The following MAP4K4 variants were observed in gnomAD, a reference collection of about 807,000 sequenced individuals.
MAP4K4 encodes the protein HPK/GCK-like kinase HGK.
A neutral mutation model predicts 189.6 loss-of-function variants in MAP4K4; 38 were observed. That is an observed-to-expected ratio of 0.20 (90% CI 0.15 to 0.26). The LOEUF is 0.26. MAP4K4 is among the 10% of genes least tolerant of loss of function. The probability of loss-of-function intolerance (pLI) is 1.00; values close to 1 mark genes in which losing one functional copy is unlikely to be tolerated. For synonymous variants in MAP4K4, 610 were observed against 624.3 expected (o/e 0.98, Z 0.34); for missense variants, 1,054 against 1,726.9 (o/e 0.61, Z 6.91).
intron 32 of MAP4K4, among the ~76,000 whole-genome samples, chr2:101,890,235 G>T (rs2098545829): frequency 1.3e-5 from 2 of 152,284 alleles, no homozygotes; most frequent in East Asian, 1.9e-4. Context: ...GATGCTCATT[G>T]TGTTTTTTAA....
At chr2:101,726,965 A>G (rs1479736115) in intron 2 of MAP4K4, among the ~76,000 whole-genome samples, 2 of 152,092 alleles carry the variant, frequency 1.3e-5, no homozygotes, top group Non-Finnish European at 2.9e-5. Flanking sequence ...GCAGGGTATC[A>G]CCTGGCGAGG....
At chr2:101,880,799 G>A (rs370580069) in intron 27 of MAP4K4, among the ~76,000 whole-genome samples, 118 of 152,146 alleles carry the variant, frequency 7.8e-4, no homozygotes, top group South Asian at 1.5e-3. Flanking sequence ...GAGCCACCGC[G>A]CCTGGTGTAT....
chr2:101,829,772 C>G, intron 6 of MAP4K4, 178 bp downstream of exon 6: 1 of 541,940 alleles, frequency 1.8e-6, no homozygotes, highest in South Asian at 2.1e-5. Context: ...TCCCCACTTC[C>G]ATGTTTGTGC....
At chr2:101,867,666 ATC>A (rs2097855401) in intron 20 of MAP4K4, 1 of 359,454 alleles carries the variant, frequency 2.8e-6, no homozygotes, top group Non-Finnish European at 5.0e-6. Context: ...AAGCCTTTTT[ATC>A]TCTTTCTTGG....
intron 3 of MAP4K4, among the ~76,000 whole-genome samples, chr2:101,801,227 G>T (rs1202472963): frequency 6.6e-6 from 1 of 152,104 alleles, no homozygotes; most frequent in Non-Finnish European, 1.5e-5. Flanking sequence ...AGAATGTTGT[G>T]TTGGAGGTCC....
At chr2:101,818,867 C>G (rs2149267729) in intron 3 of MAP4K4, among the ~76,000 whole-genome samples, 1 of 152,314 alleles carries the variant, frequency 6.6e-6, no homozygotes, top group South Asian at 2.1e-4. Context: ...TGCATTAAAT[C>G]ACTAAGTGGG....
rs547448048 is a variant in MAP4K4 at position 101,787,768 on chromosome 2, T to C, written c.124-2952T>C. ...CACAAAGGTGACCCATCTCAGCAGG[T>C]AGATGATTACTATTAGTTTCAAATT... is the stretch of plus-strand genomic sequence containing the variant. On this transcript the variant is annotated intron_variant, in intron 2 of 32. Transcript: ENST00000324219. Among the ~76,000 whole-genome samples the C allele has an allele frequency of 6.6e-5, 10 of 151,886 alleles. No homozygotes were observed. In the East Asian group the frequency reaches 1.7e-3, roughly 27 times the overall value.
chr2:101,741,859 A>T (rs753872151), intron 2 of MAP4K4, among the ~76,000 whole-genome samples: 1 of 152,216 alleles, frequency 6.6e-6, no homozygotes, highest in Non-Finnish European at 1.5e-5. Flanking sequence ...AAAAAATTGA[A>T]AAATTGGTTA....
At chr2:101,700,555 A>G (rs2037841355) in intron 2 of MAP4K4, among the ~76,000 whole-genome samples, 1 of 152,234 alleles carries the variant, frequency 6.6e-6, no homozygotes, top group Non-Finnish European at 1.5e-5. Context: ...GAAAATTTCA[A>G]ACATAAAGAC....
intron 2 of MAP4K4, among the ~76,000 whole-genome samples, chr2:101,735,332 A>G (rs965786097): frequency 2.6e-5 from 4 of 152,146 alleles, no homozygotes; most frequent in African/African-American, 4.8e-5. Context: ...TGCTAGCCCT[A>G]TTTATCTTCA....
chr2:101,764,478 T>C (rs186253826), intron 2 of MAP4K4, among the ~76,000 whole-genome samples: 6 of 152,370 alleles, frequency 3.9e-5, no homozygotes, highest in Admixed American at 3.9e-4. Context: ...GGTTGATTTA[T>C]GATGATCCAG....
chr2:101,863,384 A>G (rs1272958966), intron 16 of MAP4K4, among the ~76,000 whole-genome samples: 1 of 152,122 alleles, frequency 6.6e-6, no homozygotes, highest in African/African-American at 2.4e-5. Flanking sequence ...ACTGCAGGTA[A>G]TGTGAGGATG....
chr2:101,703,611 C>G (rs1485471296), intron 2 of MAP4K4, among the ~76,000 whole-genome samples: 1 of 93,478 alleles, frequency 1.1e-5, no homozygotes, highest in African/African-American at 4.8e-5. Flanking sequence ...GAATGAGACT[C>G]TGTCTCAAAA....
chr2:101,719,191 T>C (rs536097839), intron 2 of MAP4K4, among the ~76,000 whole-genome samples: 1 of 152,310 alleles, frequency 6.6e-6, no homozygotes, highest in South Asian at 2.1e-4. Flanking sequence ...TTTATGCTCT[T>C]CATCTGTCTG....
chr2:101,887,752 C>A, intron 30 of MAP4K4, 26 bp from the exon 31 acceptor site: 1 of 1,585,876 alleles, frequency 6.3e-7, no homozygotes, highest in South Asian at 1.2e-5. Flanking sequence ...AGACGTTCTT[C>A]CCTGTACTTT....
chr2:101,790,854 C>A, intron 3 of MAP4K4, 78 bp downstream of exon 3: 2 of 1,235,424 alleles, frequency 1.6e-6, no homozygotes, highest in Non-Finnish European at 2.3e-6. Flanking sequence ...GAGTATTACT[C>A]TGTTTGGAAA....
chr2:101,742,631 C>A (rs2063371978), intron 2 of MAP4K4, among the ~76,000 whole-genome samples: 1 of 152,136 alleles, frequency 6.6e-6, no homozygotes, highest in African/African-American at 2.4e-5. Flanking sequence ...GCCCCACTTT[C>A]TTTTTATGGA....
chr2:101,864,821 G>A (rs2097769017), intron 17 of MAP4K4, 109 bp from the exon 18 acceptor site: 2 of 704,848 alleles, frequency 2.8e-6, no homozygotes, highest in Non-Finnish European at 4.9e-6. Flanking sequence ...GTGATAGGAA[G>A]GACTGCTTTT....
chr2:101,703,444 C>T (rs1321219894), intron 2 of MAP4K4, among the ~76,000 whole-genome samples: 2 of 151,604 alleles, frequency 1.3e-5, no homozygotes, highest in Admixed American at 6.6e-5. Flanking sequence ...ATGGCAAAAC[C>T]CCATCTCTAC....
Sources: allele counts gnomAD v4.1 joint callset (sites outside exome capture counted in the v4.1 genomes callset), GRCh38; gene constraint gnomAD v4.1.1; transcripts MANE v1.5; gene names NCBI Gene and HGNC (gene_info 2026-07-23, HGNC 2026-07-21).